SORCS3: variants seen among roughly 807,000 people sequenced by gnomAD.
SORCS3 encodes the protein VPS10 domain-containing receptor SorCS3.
SORCS3 carries 57 observed loss-of-function variants against 146.3 expected under a neutral mutation model. The ratio of observed to expected loss-of-function variants is 0.39; its 90% CI spans 0.31 to 0.49. The LOEUF is 0.49. Ranked by LOEUF, SORCS3 falls within the 20% of genes least tolerant of loss-of-function variation. The pLI, the probability that SORCS3 is intolerant of heterozygous loss-of-function variation, is 0.92. For missense variants in SORCS3, 1,341 were observed against 1,575.5 expected, an observed-to-expected ratio of 0.85 and a Z score of 2.52; for synonymous variants, 653 against 618.5, an observed-to-expected ratio of 1.06 and a Z score of -0.83.
At position 105,181,544 on chromosome 10, in the gene SORCS3, T is replaced by C. The variant is rs59375703; in HGVS notation, c.2009+3371T>C. Among the ~76,000 whole-genome samples the C allele has an allele frequency of 3.2e-3, 486 of 152,280 alleles. 12 individuals carry two copies. The East Asian group carries it at 0.062, about 20-fold the overall frequency. On this transcript the variant is annotated intron_variant, in intron 14 of 26. Transcript: ENST00000369701. ...CCTGGAGGCCAGTGCTCCAGGAACA[T>C]GGACATTTCTAACACCGTAGCTTTG...
intron 1 of SORCS3, among the ~76,000 whole-genome samples, chr10:104,774,970 A>G (rs1285956057): frequency 6.6e-6 from 1 of 152,216 alleles, no homozygotes; most frequent in African/African-American, 2.4e-5. Flanking sequence ...ACTGTACTCC[A>G]GAGACTCTAA....
chr10:104,979,111 G>A (rs761126319), intron 4 of SORCS3, among the ~76,000 whole-genome samples: 11 of 151,988 alleles, frequency 7.2e-5, no homozygotes, highest in East Asian at 3.9e-4. Flanking sequence ...GTTCTTTTTC[G>A]TAGCACTATG....
intron 20 of SORCS3, among the ~76,000 whole-genome samples, chr10:105,242,681 T>C (rs1241367728): frequency 9.6e-6 from 1 of 103,902 alleles, no homozygotes; most frequent in African/African-American, 4.0e-5. Context: ...TATATATATT[T>C]ATATACATTT....
In SORCS3 at chr10:105,105,430, G is replaced by T; in HGVS notation, c.1127G>T (p.Cys376Phe). ...AHYLTCRIQE[C>F]AETTRSGPFA... The stretch of plus-strand genomic sequence containing the variant: ...TACCTCACCTGCAGGATCCAGGAAT[G>T]TGCCGAGACAACTAGAAGTGGGCCT... The change falls in exon 7 of 27, where the codon TGT becomes TTT. Residue 376 changes from cysteine to phenylalanine, a missense_variant. Transcript: ENST00000369701. 1 of 1,613,702 alleles carries T rather than the reference G, an allele frequency of 6.2e-7. No homozygotes were observed. Among genetic ancestry groups the T allele is most frequent in the Non-Finnish European group, 8.5e-7 (1 of 1,179,714 alleles).
chr10:105,152,151 A>T (rs1232161353), intron 9 of SORCS3, among the ~76,000 whole-genome samples: 1 of 152,182 alleles, frequency 6.6e-6, no homozygotes, highest in Non-Finnish European at 1.5e-5. Context: ...TGCCGGTGTG[A>T]TACATTTTCT....
At chr10:104,685,480 C>A (rs1589457098) in intron 1 of SORCS3, among the ~76,000 whole-genome samples, 1 of 152,320 alleles carries the variant, frequency 6.6e-6, no homozygotes, top group Non-Finnish European at 1.5e-5. Flanking sequence ...GAGGCAGCAG[C>A]TGCAAAGGTT....
chr10:104,963,525 C>T (rs1214849008), intron 3 of SORCS3, among the ~76,000 whole-genome samples: 1 of 152,068 alleles, frequency 6.6e-6, no homozygotes, highest in Non-Finnish European at 1.5e-5. Flanking sequence ...CTTTTTGACC[C>T]TAAACATACT....
chr10:104,948,940 A>G (rs2019400474), intron 3 of SORCS3, among the ~76,000 whole-genome samples: 1 of 152,190 alleles, frequency 6.6e-6, no homozygotes, highest in South Asian at 2.1e-4. Context: ...ATACAAATTA[A>G]TGCTACAGTA....
chr10:105,045,055 A>G (rs1408026405), intron 5 of SORCS3, among the ~76,000 whole-genome samples: 1 of 148,728 alleles, frequency 6.7e-6, no homozygotes, highest in African/African-American at 2.5e-5. Flanking sequence ...AGAAAGAAAG[A>G]AAGCGAAAGA....
intron 14 of SORCS3, among the ~76,000 whole-genome samples, chr10:105,196,191 C>T (rs556382422): frequency 6.6e-6 from 1 of 152,308 alleles, no homozygotes; most frequent in African/African-American, 2.4e-5. Context: ...GTCAATTAGG[C>T]TGTACACATG....
chr10:105,066,093 A>G (rs1345201084), intron 5 of SORCS3, among the ~76,000 whole-genome samples: 3 of 152,236 alleles, frequency 2.0e-5, no homozygotes, highest in Non-Finnish European at 4.4e-5. Context: ...TGTGCTTTAT[A>G]AAAAGCTAAT....
chr10:104,738,095 G>T (rs916426561), intron 1 of SORCS3, among the ~76,000 whole-genome samples: 3 of 152,080 alleles, frequency 2.0e-5, no homozygotes, highest in African/African-American at 7.2e-5. Flanking sequence ...TAGATATGCG[G>T]CGTTATTTCT....
At position 104,977,587 on chromosome 10, in the gene SORCS3, A is replaced by C. The variant is rs575536419; in HGVS notation, c.954+94A>C. On this transcript the variant is annotated intron_variant, in intron 4 of 26. Transcript: ENST00000369701. ...TTAATCCACATTTTGGAGGGAATTC[A>C]GTGACATTTCATCATTCCAACCCAA... The C allele has an allele frequency of 7.3e-6, 9 of 1,229,958 alleles. No individual in the cohort carries two copies. In the East Asian group the frequency reaches 1.3e-4, roughly 17 times the overall value. The allele number at this position is 1,229,958 out of a possible 1,614,324, so 76.2% of individuals were successfully genotyped here. A position where few individuals can be genotyped will look rare whatever the true frequency, so the allele number is the denominator to read the frequency against.
intron 1 of SORCS3, among the ~76,000 whole-genome samples, chr10:104,666,605 T>C (rs7094728): frequency 0.1 from 15,887 of 152,096 alleles, 900 homozygotes; most frequent in Admixed American, 0.14. Context: ...AGAGCTATGC[T>C]GTATTTTGTT....
At chr10:104,945,606 G>A (rs569066767) in intron 3 of SORCS3, among the ~76,000 whole-genome samples, 1 of 149,530 alleles carries the variant, frequency 6.7e-6, no homozygotes, top group East Asian at 2.0e-4. Context: ...GAATACATAG[G>A]CACACTCACT....
chr10:104,989,218 A>G (rs7095883), intron 4 of SORCS3, among the ~76,000 whole-genome samples: 83,310 of 152,176 alleles, frequency 0.55, 26,077 homozygotes, highest in African/African-American at 0.87. Flanking sequence ...TTTTTATAAA[A>G]TCAAATGTCA....
chr10:105,187,324 T>C (rs1352522743), intron 14 of SORCS3, among the ~76,000 whole-genome samples: 1 of 152,206 alleles, frequency 6.6e-6, no homozygotes, highest in African/African-American at 2.4e-5. Context: ...GGATTCTTGC[T>C]GTTGATCCCC....
chr10:104,932,026 T>A (rs1279485215), intron 3 of SORCS3, among the ~76,000 whole-genome samples: 1 of 152,192 alleles, frequency 6.6e-6, no homozygotes, highest in Non-Finnish European at 1.5e-5. Flanking sequence ...AGTGTGCACG[T>A]TAGCTCTGGA....
At chr10:104,768,635 G>A (rs1045449796) in intron 1 of SORCS3, among the ~76,000 whole-genome samples, 2 of 152,222 alleles carry the variant, frequency 1.3e-5, no homozygotes, top group Admixed American at 1.3e-4. Flanking sequence ...AATTGGTGAA[G>A]CTTCATTCTC....
Sources: allele counts gnomAD v4.1 joint callset (sites outside exome capture counted in the v4.1 genomes callset), GRCh38; gene constraint gnomAD v4.1.1; transcripts MANE v1.5; gene names NCBI Gene and HGNC (gene_info 2026-07-23, HGNC 2026-07-21).